Variants in ERC1 observed in about 807,000 individuals in gnomAD.
ERC1 encodes the protein RAB6 interacting protein 2.
Under a neutral mutation model 132.0 loss-of-function variants are expected in ERC1, and 56 were observed. The ratio of observed to expected loss-of-function variants is 0.42; its 90% CI spans 0.34 to 0.53. ERC1 has a LOEUF of 0.53. Ranked by LOEUF, ERC1 falls within the 20% of genes least tolerant of loss-of-function variation. The probability of loss-of-function intolerance (pLI) is 0.03; values close to 1 mark genes in which losing one functional copy is unlikely to be tolerated. For synonymous variants in ERC1, 478 were observed against 476.1 expected (o/e 1.00, Z -0.05); for missense variants, 1,202 against 1,349.9 (o/e 0.89, Z 1.72).
intron 2 of ERC1, among the ~76,000 whole-genome samples, chr12:1,063,355 G>C (rs965474934): frequency 2.0e-5 from 3 of 152,068 alleles, no homozygotes; most frequent in Admixed American, 2.0e-4. Context: ...CCACCTCCTG[G>C]GTTCCAGTGA....
In ERC1 at chr12:1,357,279, C is replaced by T. The variant is rs138505953; in HGVS notation, c.2781-14554C>T. On this transcript the variant is annotated intron_variant, in intron 15 of 18. Coordinates refer to ENST00000360905, the MANE Select transcript of ERC1 (RefSeq NM_178040.4). ...ACACTGCTGGCATTCTTCTAGCAAACGTCATGACAAACAGACGTGGAATGC... is the reference window on the plus strand; with the variant it reads ...ACACTGCTGGCATTCTTCTAGCAAATGTCATGACAAACAGACGTGGAATGC... Among the ~76,000 whole-genome samples the T allele has an allele frequency of 3.3e-3, 508 of 152,254 alleles. 3 individuals are homozygous for T. The highest frequency in any genetic ancestry group is 6.5e-3 in the Admixed American group (99 of 15,300).
intron 4 of ERC1, among the ~76,000 whole-genome samples, chr12:1,105,173 G>T (rs1290089282): frequency 6.6e-6 from 1 of 152,068 alleles, no homozygotes; most frequent in Non-Finnish European, 1.5e-5. Context: ...ACCATAGCTT[G>T]TCAGTTTTCT....
chr12:1,345,384 C>T (rs1219293141), intron 15 of ERC1, among the ~76,000 whole-genome samples: 4 of 151,944 alleles, frequency 2.6e-5, no homozygotes, highest in Non-Finnish European at 5.9e-5. Context: ...GGGATTTCAC[C>T]GTGTTAGCCA....
chr12:1,208,627 TG>T (rs922314402), intron 12 of ERC1, among the ~76,000 whole-genome samples: 3 of 152,052 alleles, frequency 2.0e-5, no homozygotes, highest in Admixed American at 2.0e-4. Context: ...GCAGAATGTG[TG>T]GTCTTGGAGT....
At chr12:1,212,045 T>C (rs1484596518) in intron 12 of ERC1, among the ~76,000 whole-genome samples, 2 of 152,210 alleles carry the variant, frequency 1.3e-5, no homozygotes, top group Non-Finnish European at 2.9e-5. Flanking sequence ...AGCTATCTAA[T>C]GCTTCCTCCT....
intron 8 of ERC1, among the ~76,000 whole-genome samples, chr12:1,177,542 A>T (rs1453189115): frequency 1.3e-5 from 2 of 152,206 alleles, no homozygotes; most frequent in Non-Finnish European, 2.9e-5. Context: ...GAGAGAGAAG[A>T]GGGAATGATT....
intron 16 of ERC1, among the ~76,000 whole-genome samples, chr12:1,398,137 C>A: frequency 6.6e-6 from 1 of 152,048 alleles, no homozygotes; most frequent in East Asian, 1.9e-4. Context: ...GCACATGCCA[C>A]CGTGTCTGGC....
At chr12:1,014,073 CTA>C (rs1965126945) in intron 1 of ERC1, among the ~76,000 whole-genome samples, 1 of 151,074 alleles carries the variant, frequency 6.6e-6, no homozygotes, top group South Asian at 2.1e-4. Flanking sequence ...AGCAATCTGT[CTA>C]TGCCTAGCCC....
At chr12:1,021,272 TG>T in intron 1 of ERC1, among the ~76,000 whole-genome samples, 1 of 152,144 alleles carries the variant, frequency 6.6e-6, no homozygotes, top group East Asian at 1.9e-4. Flanking sequence ...CCCTGTTGAG[TG>T]TGCCAGGAAT....
At chr12:1,231,685 C>CCCTCTGATGGCA (rs2075050960) in intron 12 of ERC1, among the ~76,000 whole-genome samples, 1 of 149,012 alleles carries the variant, frequency 6.7e-6, no homozygotes, top group African/African-American at 2.5e-5. Flanking sequence ...TTTTTTTTTT[C>CCCTCTGATGGCA]CCTCTGATGG....
intron 2 of ERC1, among the ~76,000 whole-genome samples, chr12:1,043,105 G>A (rs1252521119): frequency 1.3e-5 from 2 of 148,730 alleles, no homozygotes; most frequent in Admixed American, 1.3e-4. Context: ...GTGCAGTGGC[G>A]CGATCTTGGC....
rs2083391303 is a variant in ERC1 at position 1,337,236 on chromosome 12, C to T, written c.2781-34597C>T. On this transcript the variant is annotated intron_variant, in intron 15 of 18. Coordinates refer to ENST00000360905, the MANE Select transcript of ERC1 (RefSeq NM_178040.4). ...TTCCTGAATCCGGGTGCTCCTGTGT[C>T]AGGTGCATATATATTTAGGATAGTT... Among the ~76,000 whole-genome samples, 3 of 151,982 alleles carry T rather than the reference C, an allele frequency of 2.0e-5. No homozygotes were observed. In the South Asian group the frequency reaches 6.2e-4, roughly 32 times the overall value.
intron 15 of ERC1, among the ~76,000 whole-genome samples, chr12:1,337,127 T>C (rs1476327877): frequency 6.6e-6 from 1 of 152,142 alleles, no homozygotes; most frequent in African/African-American, 2.4e-5. Context: ...TAATCTTTGA[T>C]CTAATACTGT....
intron 7 of ERC1, among the ~76,000 whole-genome samples, chr12:1,131,071 G>T (rs988312451): frequency 6.6e-6 from 1 of 152,106 alleles, no homozygotes; most frequent in Non-Finnish European, 1.5e-5. Context: ...TTAAAATAAA[G>T]AATTCTTAAA....
At chr12:1,012,816 AT>A (rs920480385) in intron 1 of ERC1, among the ~76,000 whole-genome samples, 39 of 151,972 alleles carry the variant, frequency 2.6e-4, no homozygotes, top group Non-Finnish European at 5.1e-4. Context: ...AGAATTCAGA[AT>A]TTTTTTCAGA....
rs1469926693 is a variant in ERC1, at chr12:1,236,813, A to G, written c.2396A>G (p.Lys799Arg). 2 of 1,614,060 alleles carry G rather than the reference A, an allele frequency of 1.2e-6. No homozygotes were observed. Among genetic ancestry groups the G allele is most frequent in the Non-Finnish European group, 1.7e-6 (2 of 1,179,966 alleles). The change falls in exon 13 of 19, where the codon AAG becomes AGG. Residue 799 changes from lysine (K) to arginine (R), a missense_variant. Transcript: ENST00000360905. ...QNKKVANLKH[K>R]EQVEKKKSAQ... ...AAGAAGGTAGCAAATCTGAAGCACA[A>G]GGAACAGGTGGAAAAAAAGAAGAGT...
At chr12:1,321,094 G>C (rs549187476) in intron 15 of ERC1, among the ~76,000 whole-genome samples, 1 of 152,182 alleles carries the variant, frequency 6.6e-6, no homozygotes, top group Non-Finnish European at 1.5e-5. Context: ...CCATGTGCAG[G>C]CACACATGGT....
At chr12:1,247,998 A>AAAAAAT (rs1175488727) in intron 13 of ERC1, among the ~76,000 whole-genome samples, 1 of 152,206 alleles carries the variant, frequency 6.6e-6, no homozygotes, top group East Asian at 1.9e-4. Flanking sequence ...CTGCATCTCA[A>AAAAAAT]AAAAATAAAA....
intron 16 of ERC1, among the ~76,000 whole-genome samples, chr12:1,400,918 T>TA (rs760878099): frequency 0.028 from 777 of 27,566 alleles, 24 homozygotes; most frequent in African/African-American, 0.081. Context: ...ATTTTTGTAT[T>TA]TTTTTTTTTT....
Sources: gnomAD v4.1 joint callset for allele counts (sites outside exome capture counted in the v4.1 genomes callset) on GRCh38, gnomAD v4.1.1 for gene constraint, MANE v1.5 for transcripts, NCBI Gene and HGNC (gene_info 2026-07-23, HGNC 2026-07-21) for gene names.